Variants in ZNF512B observed in about 807,000 individuals in gnomAD.
ZNF512B encodes zinc finger protein 512B.
Under a neutral mutation model 87.8 loss-of-function variants are expected in ZNF512B, and 22 were observed. That is an observed-to-expected ratio of 0.25 (90% CI 0.18 to 0.36). The LOEUF is 0.36. ZNF512B is among the 10% of genes least tolerant of loss of function. The pLI is 1.00. For missense variants in ZNF512B, 1,060 were observed against 1,231.6 expected, an observed-to-expected ratio of 0.86 and a Z score of 2.09; for synonymous variants, 524 against 490.9, an observed-to-expected ratio of 1.07 and a Z score of -0.89.
chr20:63,957,147 G>C lies in ZNF512B; in HGVS notation c.*2741C>G, dbSNP rs947366078. On this transcript the variant is annotated 3_prime_UTR_variant, in exon 17 of 17. Coordinates refer to ENST00000369888, the MANE Select transcript of ZNF512B (RefSeq NM_020713.3). ...TCCTTCCCTTCAGCGCCACCAGGCAGGAGGGCCAACGGTCACACAGGAGGC... is the reference window on the plus strand; with the variant it reads ...TCCTTCCCTTCAGCGCCACCAGGCACGAGGGCCAACGGTCACACAGGAGGC... 6.6e-6 allele frequency: 1 copy of C among 152,548 alleles called. No homozygotes were observed. Among genetic ancestry groups the C allele is most frequent in the African/African-American group, 2.4e-5 (1 of 41,478 alleles). The allele number at this position is 152,548 out of a possible 1,614,324, so 9.4% of individuals were successfully genotyped here. A position where few individuals can be genotyped will look rare whatever the true frequency, so the allele number is the denominator to read the frequency against.
intron 12 of ZNF512B, 40 bp downstream of exon 12, chr20:63,963,055 C>A (rs1479821713): frequency 6.6e-7 from 1 of 1,504,974 alleles, no homozygotes; most frequent in Admixed American, 2.0e-5. Flanking sequence ...ACACGGCACA[C>A]AGGAACAAGC....
Position 63,963,879 on chromosome 20 carries a change from A to C in ZNF512B, c.1515T>G (p.His505Gln). 3.1e-6 allele frequency: 5 copies of C among 1,612,160 alleles called. 1 individual carries two copies. The South Asian group carries it at 5.5e-5, about 18-fold the overall frequency. ...GPEEQWQRAI[H>Q]ERGEAVCPTC... is the part of the protein sequence containing the mutation. The stretch of plus-strand genomic sequence containing the variant: ...TGGGGCAGACGGCTTCCCCGCGCTC[A>C]TGGATGGCCCTCTGCCACTGCTCTT... Residue 505 changes from histidine to glutamine, a missense_variant, in exon 9 of 17, where the codon CAT becomes CAG. By Grantham distance (24) the His-to-Gln change is conservative (BLOSUM62 0). This residue lies in a region of ZNF512B where 212 missense variants were observed against 207.6 expected (regional missense o/e 1.02). Transcript: ENST00000369888.
intron 2 of ZNF512B, 38 bp from the exon 3 acceptor site, chr20:63,967,561 A>C (rs764522561): frequency 6.4e-7 from 1 of 1,552,114 alleles, no homozygotes; most frequent in South Asian, 1.2e-5. Flanking sequence ...GAAGCTGTGT[A>C]GCACCGCCTA....
chr20:63,964,276 G>T (rs368651391), intron 7 of ZNF512B, 44 bp downstream of exon 7: 1 of 1,612,622 alleles, frequency 6.2e-7, no homozygotes, highest in African/African-American at 1.3e-5. Flanking sequence ...GTCACTCGGT[G>T]GACAGCCCCA....
At position 63,959,598 on chromosome 20, in the gene ZNF512B, C is replaced by A; in HGVS notation, c.*290G>T. On this transcript the variant is annotated 3_prime_UTR_variant, in exon 17 of 17. Transcript: ENST00000369888. ...ATCTGCCTACTCTGCGCTGCAGCCC[C>A]TGTGGCACCAAGACCCCAGACACAT... 2.2e-6 allele frequency: 1 copy of A among 444,694 alleles called. No individual in the cohort carries two copies. Among genetic ancestry groups the A allele is most frequent in the Admixed American group, 4.0e-5 (1 of 25,216 alleles). 27.5% of individuals were successfully genotyped at this position (444,694 alleles called of 1,614,324 possible).
At position 63,966,206 on chromosome 20, in the gene ZNF512B, C is replaced by A. The variant is rs1601485288; in HGVS notation, c.969G>T (p.Met323Ile). The A allele has an allele frequency of 1.9e-6, 3 of 1,613,974 alleles. No individual in the cohort carries two copies. In the East Asian group the frequency reaches 6.7e-5, roughly 36 times the overall value. Residue 323 changes from methionine (M) to isoleucine (I), a missense_variant, in exon 5 of 17, where the codon ATG becomes ATT. Coordinates refer to ENST00000369888, the MANE Select transcript of ZNF512B (RefSeq NM_020713.3). Reference sequence around the variant, plus strand: ...TGTTCTCCGACCTGGTCAGCAGCACCATTTTGCAGGGCGGTGTGTGTCTGC... The same window carrying A: ...TGTTCTCCGACCTGGTCAGCAGCACAATTTTGCAGGGCGGTGTGTGTCTGC... The part of the protein sequence containing the change: ...AISRHTPPCK[M>I]VLLTRSENKA...
At position 63,968,040 on chromosome 20, in the gene ZNF512B, G is replaced by A. The variant is rs935466112; in HGVS notation, c.-2-88C>T. On this transcript the variant is annotated intron_variant, in intron 1 of 16. Coordinates refer to ENST00000369888, the MANE Select transcript of ZNF512B (RefSeq NM_020713.3). ...TGCCCTGGAGCCCTGCCCTTGGCAG[G>A]TCCTCTCTGGTCAGGGAAGAGGGGC... 3.4e-6 allele frequency: 5 copies of A among 1,490,448 alleles called. No individual in the cohort carries two copies. The African/African-American group carries it at 6.9e-5, about 21-fold the overall frequency. The allele number at this position is 1,490,448 out of a possible 1,614,324, so 92.3% of individuals were successfully genotyped here. A position where few individuals can be genotyped will look rare whatever the true frequency, so the allele number is the denominator to read the frequency against.
At position 63,956,943 on chromosome 20, in the gene ZNF512B, G is replaced by A. The variant is rs1383954765; in HGVS notation, c.*2945C>T. On this transcript the variant is annotated 3_prime_UTR_variant, in exon 17 of 17. Coordinates refer to ENST00000369888, the MANE Select transcript of ZNF512B (RefSeq NM_020713.3). The stretch of plus-strand genomic sequence containing the variant: ...TGATAGCTGGAACCTCTTTCAAAAT[G>A]CACTTATGTACTGAGAACTGGCATT... 1.3e-5 allele frequency: 2 copies of A among 152,568 alleles called. No homozygotes were observed. The highest frequency in any genetic ancestry group is 1.3e-4 in the Admixed American group (2 of 15,292). 9.5% of individuals were successfully genotyped at this position (152,568 alleles called of 1,614,324 possible).
intron 2 of ZNF512B, 50 bp from the exon 3 acceptor site, chr20:63,967,573 C>CA (rs2058941497): frequency 1.3e-6 from 2 of 1,537,594 alleles, no homozygotes; most frequent in Non-Finnish European, 1.8e-6. Flanking sequence ...CACCGCCTAC[C>CA]ACCGGCGGCT....
In ZNF512B at chr20:63,966,217, G is replaced by A; in HGVS notation, c.958C>T (p.Pro320Ser). Residue 320 changes from proline (P) to serine (S), a missense_variant, in exon 5 of 17, where the codon CCC (proline) becomes TCC (serine). Around this residue, in one of 9 missense-constraint regions of ZNF512B, gnomAD observed 201 missense variants for 226.8 expected, o/e 0.89. Coordinates refer to ENST00000369888, the MANE Select transcript of ZNF512B (RefSeq NM_020713.3). ...RPIAISRHTP[P>S]CKMVLLTRSE... ...CTGGTCAGCAGCACCATTTTGCAGG[G>A]CGGTGTGTGTCTGCTGATAGCAATG... 2.5e-6 allele frequency: 4 copies of A among 1,613,980 alleles called. No homozygotes were observed. Among genetic ancestry groups the A allele is most frequent in the South Asian group, 1.1e-5 (1 of 91,088 alleles).
intron 1 of ZNF512B, chr20:63,969,152 G>C (rs1248375373): frequency 5.1e-6 from 5 of 985,398 alleles, no homozygotes; most frequent in Non-Finnish European, 6.0e-6. Flanking sequence ...AAAGGAGACA[G>C]GGCCGGCATG....
rs1469634483 is a variant in ZNF512B at position 63,959,845 on chromosome 20, G to A, written c.*43C>T. 6.6e-7 allele frequency: 1 copy of A among 1,521,838 alleles called. No individual in the cohort carries two copies. Among genetic ancestry groups the A allele is most frequent in the African/African-American group, 1.4e-5 (1 of 72,146 alleles). The allele number at this position is 1,521,838 out of a possible 1,614,324, so 94.3% of individuals were successfully genotyped here. A position where few individuals can be genotyped will look rare whatever the true frequency, so the allele number is the denominator to read the frequency against. Reference sequence around the variant, plus strand: ...GAGCTGGCCCTGCCTTGAACAGAGGGCGGTGTGGCGGCTGCATGGGGGCCA... The same window carrying A: ...GAGCTGGCCCTGCCTTGAACAGAGGACGGTGTGGCGGCTGCATGGGGGCCA... On this transcript the variant is annotated 3_prime_UTR_variant, in exon 17 of 17. Coordinates refer to ENST00000369888, the MANE Select transcript of ZNF512B (RefSeq NM_020713.3).
rs757596399 is a variant in ZNF512B, at chr20:63,963,760, C to T, written c.1605+29G>A. 2.5e-6 allele frequency: 4 copies of T among 1,613,102 alleles called. 1 individual carries two copies. The highest frequency in any genetic ancestry group is 1.6e-4 in the Middle Eastern group (1 of 6,062). The stretch of plus-strand genomic sequence containing the variant: ...GCCTGCCTGGGGCCAGGGCGCCTCC[C>T]TCCCAGCGCCTTCCGGGAGCTGCCT... On this transcript the variant is annotated intron_variant, in intron 9 of 16. Coordinates refer to ENST00000369888, the MANE Select transcript of ZNF512B (RefSeq NM_020713.3).
At chr20:63,965,984 GACC>G in intron 5 of ZNF512B, among the ~76,000 whole-genome samples, 154 bp downstream of exon 5, 1 of 53,052 alleles carries the variant, frequency 1.9e-5, no homozygotes, top group African/African-American at 1.1e-4. Context: ...GTTCCTCCCC[GACC>G]TGGGACGAGC....
chr20:63,963,098 G>A lies in ZNF512B; in HGVS notation c.1965C>T (p.Ala655=). 6.4e-7 allele frequency: 1 copy of A among 1,555,526 alleles called. No individual in the cohort carries two copies. Among genetic ancestry groups the A allele is most frequent in the Non-Finnish European group, 8.6e-7 (1 of 1,157,258 alleles). Residue 655 remains alanine (A), a synonymous_variant, in exon 12 of 17, where the codon GCC becomes GCT. Transcript: ENST00000369888. Reference sequence around the variant, plus strand: ...CACAGAACAGAGAGCCACTCACGGGGGCCGTGTGCTCCGAGCGCACGTGGT... The same window carrying A: ...CACAGAACAGAGAGCCACTCACGGGAGCCGTGTGCTCCGAGCGCACGTGGT... The part of the protein sequence containing the change: ...HDYHVRSEHT[A]PPPEEPTDKS...
chr20:63,966,173 A>G lies in ZNF512B; in HGVS notation c.1002T>C (p.Pro334=), dbSNP rs1476488862. 1 of 1,613,422 alleles carries G rather than the reference A, an allele frequency of 6.2e-7. No individual in the cohort carries two copies. The highest frequency in any genetic ancestry group is 8.5e-7 in the Non-Finnish European group (1 of 1,179,940). Residue 334 remains proline, a synonymous_variant, in exon 5 of 17, where the codon CCT becomes CCC. Transcript: ENST00000369888. Reference sequence around the variant, plus strand: ...TACCACTGTTCCTCCCTGTGGCACGAGGTGCTTTGTTCTCCGACCTGGTCA... The same window carrying G: ...TACCACTGTTCCTCCCTGTGGCACGGGGTGCTTTGTTCTCCGACCTGGTCA... ...VLLTRSENKA[P]RATGRNSGKK...
At chr20:63,968,957 TG>T (rs1178331104) in intron 1 of ZNF512B, among the ~76,000 whole-genome samples, 3 of 152,110 alleles carry the variant, frequency 2.0e-5, no homozygotes, top group Non-Finnish European at 4.4e-5. Flanking sequence ...GAGGGTTGAG[TG>T]GGCAGGTGGC....
chr20:63,964,556 T>C lies in ZNF512B; in HGVS notation c.1195A>G (p.Met399Val). The change falls in exon 6 of 17, where the codon ATG (methionine) becomes GTG (valine). Residue 399 changes from methionine to valine, a missense_variant. By Grantham distance (21) the Met-to-Val change is conservative. Transcript: ENST00000369888. ...GGGCCTGCAGCCTTCAGTGCCTCCATGCCCCCTGACGGCCTGCTGCCTGGC... is the reference window on the plus strand; with the variant it reads ...GGGCCTGCAGCCTTCAGTGCCTCCACGCCCCCTGACGGCCTGCTGCCTGGC... ...LSPGSRPSGG[M>V]EALKAAGPAS... 1 of 1,613,080 alleles carries C rather than the reference T, an allele frequency of 6.2e-7. No individual in the cohort carries two copies. Among genetic ancestry groups the C allele is most frequent in the Non-Finnish European group, 8.5e-7 (1 of 1,179,924 alleles).
At chr20:63,962,239 TC>T (rs2058860656) in intron 14 of ZNF512B, 33 bp downstream of exon 14, 1 of 1,570,958 alleles carries the variant, frequency 6.4e-7, no homozygotes. Context: ...CCTGTATGGC[TC>T]CCCACGCCCC....
Sources: allele counts gnomAD v4.1 joint callset (sites outside exome capture counted in the v4.1 genomes callset), GRCh38; gene constraint gnomAD v4.1.1; regional missense constraint gnomAD v4.1.1; transcripts MANE v1.5; gene names NCBI Gene and HGNC (gene_info 2026-07-23, HGNC 2026-07-21).